SMAD5: variants seen among roughly 807,000 people sequenced by gnomAD.
The protein encoded by SMAD5 is SMAD family member 5.
Under a neutral mutation model 43.1 loss-of-function variants are expected in SMAD5, and 9 were observed. The ratio of observed to expected loss-of-function variants is 0.21; its 90% CI spans 0.13 to 0.36. SMAD5 has a LOEUF of 0.36. Among genes scored for constraint, SMAD5 ranks in the 10% least tolerant of loss-of-function variants. The pLI is 1.00. For missense variants in SMAD5, 348 were observed against 574.0 expected (o/e 0.61, Z 4.02); for synonymous variants, 190 against 192.4 (o/e 0.99, Z 0.10).
At chr5:136,144,208 T>G (rs1159041432) in intron 1 of SMAD5, among the ~76,000 whole-genome samples, 1 of 152,056 alleles carries the variant, frequency 6.6e-6, no homozygotes, top group Non-Finnish European at 1.5e-5. Flanking sequence ...TTCTCTGGTT[T>G]TCAAGCTAGA....
At chr5:136,173,670 T>A (rs1000215877) in intron 6 of SMAD5, among the ~76,000 whole-genome samples, 1 of 152,046 alleles carries the variant, frequency 6.6e-6, no homozygotes, top group African/African-American at 2.4e-5. Context: ...TTCCCCAGCA[T>A]ATAGTTCTAG....
At chr5:136,161,234 T>C in intron 4 of SMAD5, 127 bp downstream of exon 4, 2 of 815,216 alleles carry the variant, frequency 2.5e-6, no homozygotes, top group South Asian at 1.9e-5. Flanking sequence ...CTCTTTATTC[T>C]TTAGGTAATT....
At chr5:136,164,864 C>T (rs962537789) in intron 5 of SMAD5, among the ~76,000 whole-genome samples, 1 of 152,062 alleles carries the variant, frequency 6.6e-6, no homozygotes, top group African/African-American at 2.4e-5. Flanking sequence ...TATATTAGGT[C>T]AGTGGTTCCT....
At chr5:136,152,733 A>C (rs1189916718) in intron 2 of SMAD5, 2 of 152,180 alleles carry the variant, frequency 1.3e-5, no homozygotes, top group Admixed American at 6.5e-5. Context: ...GGCTCAAGTG[A>C]GTCTCCCGAA....
chr5:136,177,311 G>A (rs780100081), intron 7 of SMAD5, 26 bp from the exon 8 acceptor site: 5 of 1,611,354 alleles, frequency 3.1e-6, no homozygotes, highest in African/African-American at 1.3e-5. Flanking sequence ...AGAGGGATTT[G>A]TGATGATATC....
Position 136,154,000 on chromosome 5 carries a change from C to CAGAAAAGGCTT in SMAD5, c.242_252dup (p.Pro85GlufsTer24). 1 of 1,609,226 alleles carries CAGAAAAGGCTT rather than the reference C, an allele frequency of 6.2e-7. No individual in the cohort carries two copies. Among genetic ancestry groups the CAGAAAAGGCTT allele is most frequent in the Non-Finnish European group, 8.5e-7 (1 of 1,178,324 alleles). On this transcript the variant is annotated frameshift_variant, in exon 3 of 8. Coordinates refer to ENST00000545279, the MANE Select transcript of SMAD5 (RefSeq NM_005903.7). LOFTEE classifies it high-confidence loss of function. ...TAGATGGACGCCTGCAGGTTTCTCA[C>CAGAAAAGGCTT]AGAAAAGGCTTACCCCATGTTATAT...
chr5:136,170,157 C>T (rs573663974), intron 5 of SMAD5, among the ~76,000 whole-genome samples: 1 of 152,174 alleles, frequency 6.6e-6, no homozygotes, highest in South Asian at 2.1e-4. Flanking sequence ...AAAAAGGCAT[C>T]ATCATACCAG....
intron 5 of SMAD5, among the ~76,000 whole-genome samples, chr5:136,164,835 G>T (rs972589400): frequency 1.3e-5 from 2 of 152,044 alleles, no homozygotes; most frequent in African/African-American, 2.4e-5. Context: ...TATTTTAGAA[G>T]TTCTATAGTT....
In SMAD5 at chr5:136,176,251, C is replaced by T. The variant is rs895974403; in HGVS notation, c.1255-1086C>T. On this transcript the variant is annotated intron_variant, in intron 7 of 7. Transcript: ENST00000545279. ...GGTGGATCACCTGAGATCAGGAGTT[C>T]GAGACCAGCCTAGCCAACATGGTGA... Among the ~76,000 whole-genome samples the T allele has an allele frequency of 6.6e-5, 10 of 151,492 alleles. No homozygotes were observed. The East Asian group carries it at 1.4e-3, about 20-fold the overall frequency.
chr5:136,145,563 A>G (rs1431391751), intron 1 of SMAD5, among the ~76,000 whole-genome samples: 1 of 151,984 alleles, frequency 6.6e-6, no homozygotes, highest in Non-Finnish European at 1.5e-5. Flanking sequence ...TCATAAAATA[A>G]TGCGGACTCT....
Position 136,174,497 on chromosome 5 carries a change from GATT to G in SMAD5, c.1120_1122del (p.Ile374del). On this transcript the variant is annotated inframe_deletion, in exon 7 of 8. Coordinates refer to ENST00000545279, the MANE Select transcript of SMAD5 (RefSeq NM_005903.7). ...GCTTTCATCCCACCACTGTCTGTAAGATTCCCAGCAGCTGCAGCCTCAAAATTT... is the reference window on the plus strand; with the variant it reads ...GCTTTCATCCCACCACTGTCTGTAAGCCCAGCAGCTGCAGCCTCAAAATTT... 6.2e-7 allele frequency: 1 copy of G among 1,613,964 alleles called. No individual in the cohort carries two copies. The highest frequency in any genetic ancestry group is 8.5e-7 in the Non-Finnish European group (1 of 1,179,854).
At chr5:136,149,500 T>C (rs1753378384) in intron 2 of SMAD5, among the ~76,000 whole-genome samples, 3 of 151,608 alleles carry the variant, frequency 2.0e-5, no homozygotes, top group Admixed American at 6.6e-5. Flanking sequence ...TTTTTTTAAG[T>C]GTAGCCATTC....
intron 1 of SMAD5, among the ~76,000 whole-genome samples, chr5:136,142,183 A>C (rs1468943569): frequency 6.6e-6 from 1 of 152,142 alleles, no homozygotes; most frequent in Non-Finnish European, 1.5e-5. Context: ...GACAGATTTG[A>C]AAGGTAAATG....
chr5:136,134,868 G>C (rs531331813), intron 1 of SMAD5: 1 of 151,824 alleles, frequency 6.6e-6, no homozygotes, highest in African/African-American at 2.4e-5. Flanking sequence ...TCATCATTTT[G>C]TGCTTCCATT....
At position 136,156,609 on chromosome 5, in the gene SMAD5, G is replaced by A. The variant is rs558340118; in HGVS notation, c.403+2446G>A. On this transcript the variant is annotated intron_variant, in intron 3 of 7. Coordinates refer to ENST00000545279, the MANE Select transcript of SMAD5 (RefSeq NM_005903.7). ...AAAGCTGATAGCTGAAGGAACTGAT[G>A]AAGAAAGGAAGATAAAAGGATTTAA... Among the ~76,000 whole-genome samples the A allele has an allele frequency of 9.2e-5, 14 of 152,312 alleles. No homozygotes were observed. In the South Asian group the frequency reaches 2.7e-3, roughly 29 times the overall value.
chr5:136,160,992 C>G lies in SMAD5; in HGVS notation c.540C>G (p.Pro180=). Reference sequence around the variant, plus strand: ...CGTTTCCAGATTCTTTCCACCAGCCCAACAACACTCCTTTTCCCTTATCTC... The same window carrying G: ...CGTTTCCAGATTCTTTCCACCAGCCGAACAACACTCCTTTTCCCTTATCTC... ...NATFPDSFHQ[P]NNTPFPLSPN... is the part of the protein sequence containing the mutation. Residue 180 remains proline, a synonymous_variant, in exon 4 of 8, where the codon CCC becomes CCG. Coordinates refer to ENST00000545279, the MANE Select transcript of SMAD5 (RefSeq NM_005903.7). 6.2e-7 allele frequency: 1 copy of G among 1,613,928 alleles called. No homozygotes were observed. The highest frequency in any genetic ancestry group is 1.1e-5 in the South Asian group (1 of 91,068).
At chr5:136,144,074 GT>G (rs1753181964) in intron 1 of SMAD5, among the ~76,000 whole-genome samples, 1 of 152,066 alleles carries the variant, frequency 6.6e-6, no homozygotes, top group South Asian at 2.1e-4. Context: ...GTCTGAAAGT[GT>G]TTGATCACTC....
At chr5:136,157,466 A>G (rs1753677084) in intron 3 of SMAD5, among the ~76,000 whole-genome samples, 1 of 152,166 alleles carries the variant, frequency 6.6e-6, no homozygotes, top group Non-Finnish European at 1.5e-5. Context: ...CTATTATTAC[A>G]TTGTAATATG....
intron 2 of SMAD5, among the ~76,000 whole-genome samples, chr5:136,151,060 T>C (rs1753440426): frequency 6.6e-6 from 1 of 152,054 alleles, no homozygotes. Context: ...AATAACAATT[T>C]TTTTGTTTTA....
Sources: allele counts gnomAD v4.1 joint callset (sites outside exome capture counted in the v4.1 genomes callset), GRCh38; gene constraint gnomAD v4.1.1; transcripts MANE v1.5; gene names NCBI Gene and HGNC (gene_info 2026-07-23, HGNC 2026-07-21).